Variants in SEMA6A observed in about 807,000 individuals in gnomAD.
SEMA6A encodes the protein semaphorin-6A.
SEMA6A carries 25 observed loss-of-function variants against 96.8 expected under a neutral mutation model. That is an observed-to-expected ratio of 0.26 (90% CI 0.19 to 0.36). The LOEUF (loss-of-function observed/expected upper bound fraction) is 0.36, where lower values mean the gene tolerates loss of function less well. Ranked by LOEUF, SEMA6A falls within the 10% of genes least tolerant of loss-of-function variation. The probability of loss-of-function intolerance (pLI) is 1.00; values close to 1 mark genes in which losing one functional copy is unlikely to be tolerated. For missense variants in SEMA6A, 1,363 were observed against 1,323.1 expected, an observed-to-expected ratio of 1.03 and a Z score of -0.47; for synonymous variants, 612 against 518.0, an observed-to-expected ratio of 1.18 and a Z score of -2.46.
chr5:116,451,748 GGAAAT>G (rs1754647710), intron 18 of SEMA6A, among the ~76,000 whole-genome samples: 2 of 123,512 alleles, frequency 1.6e-5, no homozygotes, highest in South Asian at 5.2e-4. Context: ...TTGAAGTCAT[GGAAAT>G]AAATTCTATC....
intron 1 of SEMA6A, among the ~76,000 whole-genome samples, chr5:116,535,287 A>C (rs1467485919): frequency 6.6e-6 from 1 of 152,220 alleles, no homozygotes; most frequent in African/African-American, 2.4e-5. Flanking sequence ...GAAACAGAGA[A>C]GCTGGGTAGA....
At chr5:116,459,436 C>T (rs1040815647) in intron 18 of SEMA6A, among the ~76,000 whole-genome samples, 4 of 152,172 alleles carry the variant, frequency 2.6e-5, no homozygotes, top group Non-Finnish European at 5.9e-5. Flanking sequence ...TCCCATCCTC[C>T]ACTTCCTGTT....
chr5:116,477,577 T>C (rs2112684429), intron 15 of SEMA6A, among the ~76,000 whole-genome samples: 1 of 152,320 alleles, frequency 6.6e-6, no homozygotes, highest in East Asian at 1.9e-4. Context: ...CCTTCTTGTC[T>C]CTCTCTCCAG....
intron 1 of SEMA6A, among the ~76,000 whole-genome samples, chr5:116,540,931 T>C (rs1476416154): frequency 1.3e-5 from 2 of 152,212 alleles, no homozygotes; most frequent in Admixed American, 6.5e-5. Context: ...TTAGCAATAC[T>C]GAACTGATGT....
chr5:116,561,307 T>G (rs1760809193), intron 1 of SEMA6A, among the ~76,000 whole-genome samples: 1 of 152,254 alleles, frequency 6.6e-6, no homozygotes, highest in Non-Finnish European at 1.5e-5. Context: ...CTTCTAATTC[T>G]AATGTAGAAC....
chr5:116,505,514 C>T (rs1466533378), intron 1 of SEMA6A, among the ~76,000 whole-genome samples: 1 of 151,700 alleles, frequency 6.6e-6, no homozygotes, highest in Non-Finnish European at 1.5e-5. Flanking sequence ...TACTAATTTC[C>T]ATTACCTGCT....
At chr5:116,530,663 T>C (rs1286209827) in intron 1 of SEMA6A, among the ~76,000 whole-genome samples, 1 of 152,174 alleles carries the variant, frequency 6.6e-6, no homozygotes, top group East Asian at 1.9e-4. Context: ...TACAGTTTTA[T>C]TTAAAACTGT....
chr5:116,460,436 T>C (rs537024123), intron 18 of SEMA6A, among the ~76,000 whole-genome samples: 1 of 152,318 alleles, frequency 6.6e-6, no homozygotes, highest in Non-Finnish European at 1.5e-5. Context: ...AAATGTAATA[T>C]ATAAATTAGA....
At chr5:116,521,083 T>C (rs983417154) in intron 1 of SEMA6A, among the ~76,000 whole-genome samples, 2 of 152,190 alleles carry the variant, frequency 1.3e-5, no homozygotes, top group Admixed American at 6.5e-5. Flanking sequence ...AAAAAGCATT[T>C]GCAAGGAGAC....
At chr5:116,551,214 G>A (rs1561532322) in intron 1 of SEMA6A, among the ~76,000 whole-genome samples, 1 of 151,872 alleles carries the variant, frequency 6.6e-6, no homozygotes, top group Non-Finnish European at 1.5e-5. Context: ...ACATGCAGGG[G>A]CTTTGAGAGT....
In SEMA6A at chr5:116,467,585, T is replaced by C. The variant is rs745870685; in HGVS notation, c.1892A>G (p.Lys631Arg). 1.7e-5 allele frequency: 27 copies of C among 1,612,110 alleles called. No homozygotes were observed. Among genetic ancestry groups the C allele is most frequent in the Non-Finnish European group, 2.1e-5 (25 of 1,179,232 alleles). Reference sequence around the variant, plus strand: ...AAGAGGCATTTCCAAGGCCTTACCCTTCTTGTCTTGGTGATTATGGGAAGA... The same window carrying C: ...AAGAGGCATTTCCAAGGCCTTACCCCTCTTGTCTTGGTGATTATGGGAAGA... ...AVSSHNHQDK[K>R]GVIRESYLKG... Residue 631 changes from lysine to arginine, a missense_variant and splice_region_variant, in exon 18 of 19, where the codon AAG becomes AGG. Lys to Arg is a conservative substitution (Grantham distance 26). Around this residue, in one of 2 missense-constraint regions of SEMA6A, gnomAD observed 883 missense variants for 763.6 expected, o/e 1.16. Transcript: ENST00000343348.
chr5:116,530,490 T>TCCATA (rs1174828053), intron 1 of SEMA6A, among the ~76,000 whole-genome samples: 1 of 152,180 alleles, frequency 6.6e-6, no homozygotes, highest in Non-Finnish European at 1.5e-5. Flanking sequence ...ACTCAGCTGT[T>TCCATA]CCATACCGTA....
intron 18 of SEMA6A, among the ~76,000 whole-genome samples, chr5:116,464,059 T>C (rs73781091): frequency 0.015 from 2,331 of 152,332 alleles, 52 homozygotes; most frequent in African/African-American, 0.051. Flanking sequence ...AAGAAAGCTC[T>C]TATTTCTTTT....
chr5:116,553,498 C>T (rs981307158), intron 1 of SEMA6A, among the ~76,000 whole-genome samples: 6 of 152,136 alleles, frequency 3.9e-5, no homozygotes, highest in Non-Finnish European at 5.9e-5. Flanking sequence ...GACTGTGTGG[C>T]GCTGCCTGTG....
At chr5:116,528,595 GC>G (rs1319010624) in intron 1 of SEMA6A, among the ~76,000 whole-genome samples, 1 of 152,224 alleles carries the variant, frequency 6.6e-6, no homozygotes, top group Non-Finnish European at 1.5e-5. Context: ...CCTTTCTGCA[GC>G]CCTGCATCCT....
At chr5:116,478,943 T>C (rs1192295643) in intron 12 of SEMA6A, among the ~76,000 whole-genome samples, 1 of 151,544 alleles carries the variant, frequency 6.6e-6, no homozygotes, top group East Asian at 2.0e-4. Context: ...TGTGTGTGTG[T>C]GTGTGTGTGT....
intron 1 of SEMA6A, among the ~76,000 whole-genome samples, chr5:116,510,121 C>A (rs1049757170): frequency 1.3e-5 from 2 of 152,018 alleles, no homozygotes; most frequent in African/African-American, 2.4e-5. Context: ...GTTCATCAAG[C>A]GAGAGCAAAG....
intron 18 of SEMA6A, among the ~76,000 whole-genome samples, chr5:116,454,497 GCATCGCCCC>G (rs1407875151): frequency 5.3e-5 from 8 of 152,242 alleles, no homozygotes; most frequent in Admixed American, 3.9e-4. Flanking sequence ...CACTAGCCAA[GCATCGCCCC>G]GCTAACCACA....
chr5:116,500,670 C>T (rs1757833462), intron 3 of SEMA6A, among the ~76,000 whole-genome samples: 1 of 152,044 alleles, frequency 6.6e-6, no homozygotes, highest in South Asian at 2.1e-4. Flanking sequence ...GAATCAACCA[C>T]TGTTATTTAC....
Sources: allele counts gnomAD v4.1 joint callset (sites outside exome capture counted in the v4.1 genomes callset), GRCh38; gene constraint gnomAD v4.1.1; regional missense constraint gnomAD v4.1.1; transcripts MANE v1.5; gene names NCBI Gene and HGNC (gene_info 2026-07-23, HGNC 2026-07-21).